TENM3: variants seen among roughly 807,000 people sequenced by gnomAD.
The protein encoded by TENM3 is teneurin-3.
TENM3 carries 63 observed loss-of-function variants against 255.1 expected under a neutral mutation model. That is an observed-to-expected ratio of 0.25 (90% CI 0.20 to 0.30). TENM3 has a LOEUF of 0.30. TENM3 is among the 10% of genes least tolerant of loss of function. The pLI is 1.00. For synonymous variants in TENM3, 1,306 were observed against 1,322.3 expected, an observed-to-expected ratio of 0.99 and a Z score of 0.27; for missense variants, 2,929 against 3,461.1, an observed-to-expected ratio of 0.85 and a Z score of 3.86.
the TENM3 span, among the ~76,000 whole-genome samples, chr4:181,605,186 C>A: frequency 6.6e-6 from 1 of 151,780 alleles, no homozygotes; most frequent in Non-Finnish European, 1.5e-5. Context: ...TGGCTCACGC[C>A]TCTAACTCCA....
the TENM3 span, among the ~76,000 whole-genome samples, chr4:182,009,312 A>G: frequency 0.17 from 25,584 of 152,050 alleles, 2,660 homozygotes; most frequent in African/African-American, 0.28. Flanking sequence ...AAGGCTGCCC[A>G]GATTCCTCAG....
chr4:182,110,113 CAAA>C, the TENM3 span, among the ~76,000 whole-genome samples: 14 of 109,624 alleles, frequency 1.3e-4, no homozygotes, highest in Admixed American at 2.9e-4. Flanking sequence ...GACTCTGTCT[CAAA>C]AAAAAAAAAA....
intron 1 of TENM3, among the ~76,000 whole-genome samples, chr4:182,287,347 G>T (rs1760793345): frequency 6.6e-6 from 1 of 152,232 alleles, no homozygotes; most frequent in Non-Finnish European, 1.5e-5. Flanking sequence ...AGCCTCACAG[G>T]CTTTTTGTTG....
At chr4:182,396,754 G>A (rs1768846462) in intron 3 of TENM3, among the ~76,000 whole-genome samples, 1 of 152,248 alleles carries the variant, frequency 6.6e-6, no homozygotes, top group Non-Finnish European at 1.5e-5. Flanking sequence ...CTGAGGTCAG[G>A]AGTTCAAGAC....
At position 182,767,927 on chromosome 4, in the gene TENM3, G is replaced by A. The variant is rs540021221; in HGVS notation, c.4893-5545G>A. On this transcript the variant is annotated intron_variant, in intron 22 of 27. Transcript: ENST00000511685. ...CCCAGAACAGGCTTGGTTTTGACCG[G>A]AGAAAGCAGTCACATTTCAGTGACT... Among the ~76,000 whole-genome samples the A allele has an allele frequency of 7.2e-5, 11 of 152,334 alleles. No homozygotes were observed. In the South Asian group the frequency reaches 2.3e-3, roughly 32 times the overall value.
chr4:181,811,644 A>AG, the TENM3 span, among the ~76,000 whole-genome samples: 2 of 152,226 alleles, frequency 1.3e-5, no homozygotes. Flanking sequence ...CATGAGCAAA[A>AG]GGGCGTCTTA....
At chr4:181,997,731 A>G in the TENM3 span, among the ~76,000 whole-genome samples, 5 of 152,210 alleles carry the variant, frequency 3.3e-5, no homozygotes, top group African/African-American at 2.4e-5. Context: ...CGTCAGCTCT[A>G]TGTTCCTCAG....
chr4:182,642,513 C>A (rs1032595065), intron 5 of TENM3, among the ~76,000 whole-genome samples: 41 of 152,294 alleles, frequency 2.7e-4, no homozygotes, highest in African/African-American at 9.9e-4. Flanking sequence ...AATATCCTGG[C>A]AGAAACAAAC....
chr4:181,766,050 G>C, the TENM3 span, among the ~76,000 whole-genome samples: 1 of 152,224 alleles, frequency 6.6e-6, no homozygotes, highest in South Asian at 2.1e-4. Flanking sequence ...TAATTCTGAC[G>C]GAAAGGGTGA....
the TENM3 span, among the ~76,000 whole-genome samples, chr4:181,510,203 T>G: frequency 6.6e-6 from 1 of 152,234 alleles, no homozygotes. Context: ...GGCAGTTAAC[T>G]TTCACAGCAG....
chr4:182,241,273 T>G (rs1757235574), upstream of TENM3, among the ~76,000 whole-genome samples: 1 of 152,138 alleles, frequency 6.6e-6, no homozygotes, highest in African/African-American at 2.4e-5. Context: ...GTAACAACAG[T>G]TTTCACCTCC....
intron 1 of TENM3, among the ~76,000 whole-genome samples, chr4:182,303,193 T>G (rs188415851): frequency 3.9e-5 from 6 of 152,318 alleles, no homozygotes; most frequent in African/African-American, 1.4e-4. Context: ...TAAACATAGC[T>G]TGTTGAAATT....
chr4:181,612,528 G>GTGTC, the TENM3 span, among the ~76,000 whole-genome samples: 2 of 151,878 alleles, frequency 1.3e-5, no homozygotes, highest in African/African-American at 2.4e-5. Context: ...GTGTGTCAGA[G>GTGTC]AGAGAGAGAG....
the TENM3 span, among the ~76,000 whole-genome samples, chr4:181,778,432 C>G: frequency 2.0e-5 from 3 of 152,094 alleles, no homozygotes; most frequent in Admixed American, 2.0e-4. Flanking sequence ...TCTATATAAA[C>G]TTTCAGAGAT....
chr4:181,468,472 T>A, the TENM3 span, among the ~76,000 whole-genome samples: 21 of 152,354 alleles, frequency 1.4e-4, no homozygotes, highest in East Asian at 3.3e-3. Context: ...TATTTCTGCA[T>A]GTATCATCCT....
At chr4:182,136,978 C>A in the TENM3 span, among the ~76,000 whole-genome samples, 1 of 151,978 alleles carries the variant, frequency 6.6e-6, no homozygotes, top group Admixed American at 6.6e-5. Context: ...GTCAGCATCC[C>A]CCCCCACCCA....
At chr4:181,806,375 C>T in the TENM3 span, among the ~76,000 whole-genome samples, 19 of 152,350 alleles carry the variant, frequency 1.2e-4, no homozygotes, top group African/African-American at 4.3e-4. Context: ...GTACTTCTGG[C>T]TGTCCCCACC....
chr4:182,564,587 T>G (rs866078643), intron 3 of TENM3, among the ~76,000 whole-genome samples: 90 of 151,596 alleles, frequency 5.9e-4, no homozygotes, highest in East Asian at 1.7e-3. Flanking sequence ...TTTTGTTTTT[T>G]TTTTTTTTGG....
chr4:181,885,932 CAT>C, the TENM3 span, among the ~76,000 whole-genome samples: 1 of 151,960 alleles, frequency 6.6e-6, no homozygotes, highest in African/African-American at 2.4e-5. Flanking sequence ...CAGTCCCACA[CAT>C]GTGTTTTTAG....
Sources: gnomAD v4.1 joint callset for allele counts (sites outside exome capture counted in the v4.1 genomes callset) on GRCh38, gnomAD v4.1.1 for gene constraint, MANE v1.5 for transcripts, NCBI Gene and HGNC (gene_info 2026-07-23, HGNC 2026-07-21) for gene names.